The following ITFG1 variants were observed in gnomAD, a reference collection of about 807,000 sequenced individuals.
ITFG1 encodes the protein T-cell immunomodulatory protein.
A neutral mutation model predicts 81.8 loss-of-function variants in ITFG1; 34 were observed. That is an observed-to-expected ratio of 0.42 (90% CI 0.32 to 0.55). The LOEUF (loss-of-function observed/expected upper bound fraction) is 0.55. ITFG1 is among the 20% of genes least tolerant of loss of function. The pLI, the probability that ITFG1 is intolerant of heterozygous loss-of-function variation, is 0.17. For missense variants in ITFG1, 672 were observed against 755.4 expected (o/e 0.89, Z 1.29); for synonymous variants, 285 against 270.6 (o/e 1.05, Z -0.52).
intron 6 of ITFG1, among the ~76,000 whole-genome samples, chr16:47,422,385 T>C (rs1448584959): frequency 2.6e-5 from 4 of 152,172 alleles, no homozygotes; most frequent in Non-Finnish European, 4.4e-5. Flanking sequence ...TGGCATGAGA[T>C]GGTTTGCCAG....
intron 12 of ITFG1, among the ~76,000 whole-genome samples, chr16:47,242,119 T>C (rs980580108): frequency 3.3e-5 from 5 of 152,042 alleles, no homozygotes; most frequent in African/African-American, 9.7e-5. Flanking sequence ...ATGCGGTATG[T>C]GAATTACATC....
intron 2 of ITFG1, among the ~76,000 whole-genome samples, chr16:47,455,777 C>CAAAAA (rs1325999369): frequency 4.3e-5 from 2 of 46,238 alleles, no homozygotes; most frequent in African/African-American, 7.9e-5. Flanking sequence ...CATCCCCCAC[C>CAAAAA]AAAAAAAAAA....
At chr16:47,291,478 ATC>A (rs1966904800) in intron 10 of ITFG1, among the ~76,000 whole-genome samples, 1 of 152,130 alleles carries the variant, frequency 6.6e-6, no homozygotes, top group Admixed American at 6.6e-5. Context: ...TGAAACGTCC[ATC>A]TCTCTCCACC....
chr16:47,254,741 T>C (rs1013210948), intron 12 of ITFG1, among the ~76,000 whole-genome samples: 2 of 152,238 alleles, frequency 1.3e-5, no homozygotes, highest in Admixed American at 6.5e-5. Flanking sequence ...TAGTACTTAA[T>C]GCGTAACATC....
At chr16:47,439,026 T>A (rs1381427535) in intron 5 of ITFG1, among the ~76,000 whole-genome samples, 1 of 152,078 alleles carries the variant, frequency 6.6e-6, no homozygotes, top group Admixed American at 6.5e-5. Context: ...GCACGAGAAC[T>A]ACGTGACGAA....
chr16:47,411,175 A>G (rs1205039080), intron 6 of ITFG1, among the ~76,000 whole-genome samples: 1 of 152,126 alleles, frequency 6.6e-6, no homozygotes, highest in African/African-American at 2.4e-5. Context: ...ATGGAGGAGG[A>G]GCTCCACTCT....
intron 8 of ITFG1, among the ~76,000 whole-genome samples, chr16:47,326,774 G>C (rs1006587942): frequency 4.6e-5 from 7 of 152,158 alleles, no homozygotes; most frequent in Non-Finnish European, 8.8e-5. Context: ...CAAAGGATGT[G>C]AAGGACCTCT....
intron 10 of ITFG1, among the ~76,000 whole-genome samples, chr16:47,277,193 G>C (rs1017946319): frequency 6.6e-6 from 1 of 152,062 alleles, no homozygotes; most frequent in Admixed American, 6.6e-5. Context: ...GAGCTATATA[G>C]CTCATCAAAA....
At chr16:47,319,429 G>A (rs1387660734) in intron 8 of ITFG1, among the ~76,000 whole-genome samples, 1 of 152,156 alleles carries the variant, frequency 6.6e-6, no homozygotes, top group Non-Finnish European at 1.5e-5. Context: ...TGTCTGTCAA[G>A]TTGTTCTTTC....
chr16:47,345,498 C>CA (rs1294391062), intron 8 of ITFG1, among the ~76,000 whole-genome samples: 1 of 152,092 alleles, frequency 6.6e-6, no homozygotes, highest in African/African-American at 2.4e-5. Flanking sequence ...GGGGTTTCAC[C>CA]ATGTTGGCCA....
At chr16:47,275,530 C>T (rs1332651820) in intron 10 of ITFG1, among the ~76,000 whole-genome samples, 3 of 152,128 alleles carry the variant, frequency 2.0e-5, no homozygotes, top group Non-Finnish European at 4.4e-5. Flanking sequence ...CGTTCTGAAT[C>T]CAACTGCATG....
chr16:47,155,580 T>G lies in ITFG1; in HGVS notation c.*139A>C. 1 of 637,616 alleles carries G rather than the reference T, an allele frequency of 1.6e-6. No individual in the cohort carries two copies. The highest frequency in any genetic ancestry group is 2.7e-6 in the Non-Finnish European group (1 of 370,904). The allele number at this position is 637,616 out of a possible 1,614,324, so 39.5% of individuals were successfully genotyped here. ...CCTTGTGACATATTCAAACCATATT[T>G]ATTTGAATACTTTCCAATAATTACC... On this transcript the variant is annotated 3_prime_UTR_variant, in exon 18 of 18. Coordinates refer to ENST00000320640, the MANE Select transcript of ITFG1 (RefSeq NM_030790.5).
At chr16:47,338,417 A>C (rs1459468439) in intron 8 of ITFG1, among the ~76,000 whole-genome samples, 2 of 151,902 alleles carry the variant, frequency 1.3e-5, no homozygotes, top group Admixed American at 6.6e-5. Flanking sequence ...TCAAAACCAA[A>C]CAAACAAAAA....
At chr16:47,386,811 C>A (rs1968468981) in intron 6 of ITFG1, among the ~76,000 whole-genome samples, 1 of 152,178 alleles carries the variant, frequency 6.6e-6, no homozygotes, top group Non-Finnish European at 1.5e-5. Context: ...ACAAAGCTGT[C>A]CCCTAATATT....
At chr16:47,434,591 A>G (rs1382465405) in intron 5 of ITFG1, among the ~76,000 whole-genome samples, 1 of 152,202 alleles carries the variant, frequency 6.6e-6, no homozygotes, top group East Asian at 1.9e-4. Context: ...ACACTTTTAC[A>G]CTGTTGGTGG....
chr16:47,419,946 TATC>T (rs1246384424), intron 6 of ITFG1, among the ~76,000 whole-genome samples: 2 of 150,256 alleles, frequency 1.3e-5, no homozygotes, highest in Non-Finnish European at 2.9e-5. Flanking sequence ...TTTTTTTCTT[TATC>T]TTCTCTTTTT....
In ITFG1 at chr16:47,391,874, T is replaced by C. The variant is rs1447662080; in HGVS notation, c.656-15934A>G. Among the ~76,000 whole-genome samples the C allele has an allele frequency of 3.9e-5, 6 of 152,320 alleles. No homozygotes were observed. In the South Asian group the frequency reaches 1.2e-3, roughly 32 times the overall value. ...ATTTCATTATTGGGACATATATGCA[T>C]AGACATATACACCTATCCCTTCGTC... is the stretch of plus-strand genomic sequence containing the variant. On this transcript the variant is annotated intron_variant, in intron 6 of 17. Coordinates refer to ENST00000320640, the MANE Select transcript of ITFG1 (RefSeq NM_030790.5).
At chr16:47,191,396 T>G (rs1775249740) in intron 14 of ITFG1, among the ~76,000 whole-genome samples, 1 of 152,116 alleles carries the variant, frequency 6.6e-6, no homozygotes, top group Non-Finnish European at 1.5e-5. Flanking sequence ...TCATGAGTTT[T>G]TTTTTTTTTT....
intron 16 of ITFG1, among the ~76,000 whole-genome samples, chr16:47,159,805 A>ATAC (rs1964771957): frequency 6.6e-6 from 1 of 152,130 alleles, no homozygotes; most frequent in African/African-American, 2.4e-5. Context: ...TGTTCTGGTA[A>ATAC]ATAGCAAGTA....
Sources: allele counts gnomAD v4.1 joint callset (sites outside exome capture counted in the v4.1 genomes callset), GRCh38; gene constraint gnomAD v4.1.1; transcripts MANE v1.5; gene names NCBI Gene and HGNC (gene_info 2026-07-23, HGNC 2026-07-21).